The following PDIA4 variants were observed in gnomAD, a reference collection of about 807,000 sequenced individuals.
The protein encoded by PDIA4 is protein disulfide isomerase family A member 4.
PDIA4 carries 33 observed loss-of-function variants against 62.1 expected under a neutral mutation model. That is an observed-to-expected ratio of 0.53 (90% CI 0.40 to 0.71). The LOEUF is 0.71. Among genes scored for constraint, PDIA4 ranks in the 30% least tolerant of loss-of-function variants. The probability of loss-of-function intolerance (pLI) is 0.00; values close to 1 mark genes in which losing one functional copy is unlikely to be tolerated. For synonymous variants in PDIA4, 341 were observed against 324.1 expected (o/e 1.05, Z -0.56); for missense variants, 804 against 813.6 (o/e 0.99, Z 0.14).
chr7:149,013,818 A>G (rs1388914581), intron 4 of PDIA4, among the ~76,000 whole-genome samples: 1 of 152,214 alleles, frequency 6.6e-6, no homozygotes, highest in African/African-American at 2.4e-5. Flanking sequence ...AAATCGCACT[A>G]CACTCGCTGA....
intron 3 of PDIA4, among the ~76,000 whole-genome samples, chr7:149,017,577 T>A (rs1177870734): frequency 6.6e-6 from 1 of 150,910 alleles, no homozygotes; most frequent in Non-Finnish European, 1.5e-5. Flanking sequence ...GAAGCAAAAC[T>A]CCGTCTCAAA....
chr7:149,024,900 G>A (rs1048677251), intron 1 of PDIA4, among the ~76,000 whole-genome samples: 4 of 148,966 alleles, frequency 2.7e-5, no homozygotes, highest in East Asian at 2.0e-4. Context: ...CGAGGCAAGC[G>A]GATCTCCTGA....
chr7:149,023,153 C>A (rs7778448), intron 1 of PDIA4, among the ~76,000 whole-genome samples: 3,884 of 152,234 alleles, frequency 0.026, 200 homozygotes, highest in African/African-American at 0.089. Flanking sequence ...TGGGCGCAGG[C>A]CCACCTCCCC....
chr7:149,012,085 C>T, intron 5 of PDIA4, 70 bp downstream of exon 5: 1 of 1,608,404 alleles, frequency 6.2e-7, no homozygotes, highest in African/African-American at 1.3e-5. Flanking sequence ...CCCCCAGCAC[C>T]TTCAATGGCA....
intron 4 of PDIA4, among the ~76,000 whole-genome samples, chr7:149,013,642 A>G (rs2129504726): frequency 6.6e-6 from 1 of 152,278 alleles, no homozygotes; most frequent in Non-Finnish European, 1.5e-5. Flanking sequence ...ACTGTACTCC[A>G]GCCCAGGTGA....
intron 1 of PDIA4, among the ~76,000 whole-genome samples, chr7:149,024,071 A>G (rs1824451211): frequency 6.6e-6 from 1 of 152,080 alleles, no homozygotes; most frequent in Non-Finnish European, 1.5e-5. Flanking sequence ...ACATGGCAAA[A>G]CCCCGTCTTT....
At chr7:149,027,879 A>G (rs1315197681) in intron 1 of PDIA4, 1 of 477,364 alleles carries the variant, frequency 2.1e-6, no homozygotes, top group South Asian at 1.5e-5. Context: ...TTGCTGTTCC[A>G]AAGAACTCGC....
rs770320537 is a variant in PDIA4 at position 149,019,014 on chromosome 7, G to A, written c.453C>T (p.Tyr151=). 4.3e-5 allele frequency: 69 copies of A among 1,613,024 alleles called. No individual in the cohort carries two copies. The highest frequency in any genetic ancestry group is 5.4e-5 in the Non-Finnish European group (64 of 1,179,620). ...CACCTTCCTGGGTTCTGGAGCCCTCGTAGTCTACAGCCTGCCCCTTCTTAA... is the reference window on the plus strand; with the variant it reads ...CACCTTCCTGGGTTCTGGAGCCCTCATAGTCTACAGCCTGCCCCTTCTTAA... ...KILKKGQAVD[Y]EGSRTQEEIV... Residue 151 remains tyrosine, a synonymous_variant, in exon 3 of 10, where the codon TAC becomes TAT. Transcript: ENST00000652332.
rs116610027 is a variant in PDIA4 at position 149,005,883 on chromosome 7, T to G, written c.1288+14A>C. ...CACCCCCCACCCCCGCAGGTCTTGG[T>G]GGGGGTCCCTCACCAGCTCTGTAAT... On this transcript the variant is annotated intron_variant, in intron 8 of 9. Transcript: ENST00000652332. The G allele has an allele frequency of 2.9e-3, 4,327 of 1,490,968 alleles. 94 individuals are homozygous for G. The African/African-American group carries it at 0.052, about 18-fold the overall frequency. 92.4% of individuals were successfully genotyped at this position (1,490,968 alleles called of 1,614,324 possible). A position where few individuals can be genotyped will look rare whatever the true frequency, so the allele number is the denominator to read the frequency against.
chr7:149,004,343 G>A (rs1257536810), intron 9 of PDIA4, 134 bp from the exon 10 acceptor site: 1 of 772,936 alleles, frequency 1.3e-6, no homozygotes, highest in Non-Finnish European at 2.1e-6. Flanking sequence ...GCCCACTACT[G>A]TAGAAAGTAG....
intron 1 of PDIA4, among the ~76,000 whole-genome samples, chr7:149,022,298 G>A (rs1824380215): frequency 6.6e-6 from 1 of 152,106 alleles, no homozygotes; most frequent in South Asian, 2.1e-4. Context: ...AATTGATGGG[G>A]TCAACATGTA....
In PDIA4 at chr7:149,004,019, C is replaced by A. The variant is rs1233338594; in HGVS notation, c.1713G>T (p.Lys571Asn). 6.2e-7 allele frequency: 1 copy of A among 1,614,092 alleles called. No individual in the cohort carries two copies. The highest frequency in any genetic ancestry group is 1.7e-5 in the Admixed American group (1 of 60,010). ...LEPVYNSLAK[K>N]YKGQKGLVIA... ...TGACCAGGCCCTTTTGGCCCTTGTA[C>A]TTCTTGGCCAGGCTGTTGTACACGG... Residue 571 changes from lysine (K) to asparagine (N), a missense_variant, in exon 10 of 10, where the codon AAG becomes AAT. Physicochemically the swap from Lys to Asn is moderately conservative, Grantham distance 94. Transcript: ENST00000652332.
intron 6 of PDIA4, 35 bp downstream of exon 6, chr7:149,011,811 G>A (rs1041344635): frequency 9.3e-6 from 14 of 1,498,438 alleles, no homozygotes; most frequent in Non-Finnish European, 1.3e-5. Context: ...CCCAAGGCAC[G>A]CACATTTTGT....
At chr7:149,025,258 A>G (rs1824511796) in intron 1 of PDIA4, among the ~76,000 whole-genome samples, 1 of 151,936 alleles carries the variant, frequency 6.6e-6, no homozygotes. Context: ...GGTTGCCTCA[A>G]TCCCTGTCCA....
chr7:149,014,489 G>A (rs780274133), intron 4 of PDIA4, among the ~76,000 whole-genome samples: 1 of 152,050 alleles, frequency 6.6e-6, no homozygotes, highest in South Asian at 2.1e-4. Context: ...CTTGAGAGCC[G>A]TCTTCTTCCG....
intron 3 of PDIA4, among the ~76,000 whole-genome samples, chr7:149,018,714 G>C (rs1489012512): frequency 2.0e-4 from 31 of 152,056 alleles, no homozygotes; most frequent in Non-Finnish European, 5.9e-5. Flanking sequence ...TTACAGGTGT[G>C]AGCCACCATG....
chr7:149,026,388 C>A (rs1034603613), intron 1 of PDIA4, among the ~76,000 whole-genome samples: 2 of 152,134 alleles, frequency 1.3e-5, no homozygotes, highest in African/African-American at 4.8e-5. Context: ...CGGTGGCTCA[C>A]TCCTGTAATC....
At chr7:149,017,440 C>T (rs1396025696) in intron 3 of PDIA4, among the ~76,000 whole-genome samples, 3 of 152,120 alleles carry the variant, frequency 2.0e-5, no homozygotes, top group Non-Finnish European at 2.9e-5. Flanking sequence ...AAAAATTAGC[C>T]GGGCGTGGTG....
intron 7 of PDIA4, among the ~76,000 whole-genome samples, chr7:149,006,515 C>T (rs1287083850): frequency 6.6e-6 from 1 of 152,214 alleles, no homozygotes; most frequent in African/African-American, 2.4e-5. Context: ...AGGTCAGCCA[C>T]CTGCCCAAGG....
Sources: allele counts gnomAD v4.1 joint callset (sites outside exome capture counted in the v4.1 genomes callset), GRCh38; gene constraint gnomAD v4.1.1; transcripts MANE v1.5; gene names NCBI Gene and HGNC (gene_info 2026-07-23, HGNC 2026-07-21).